The following ZZEF1 variants were observed in gnomAD, a reference collection of about 807,000 sequenced individuals.
ZZEF1 encodes zinc finger ZZ-type and EF-hand domain containing 1.
ZZEF1 carries 157 observed loss-of-function variants against 342.8 expected under a neutral mutation model. That is an observed-to-expected ratio of 0.46 (90% CI 0.40 to 0.52). The LOEUF (loss-of-function observed/expected upper bound fraction) is 0.52. Ranked by LOEUF, ZZEF1 falls within the 20% of genes least tolerant of loss-of-function variation. The pLI is 0.00. For missense variants in ZZEF1, 3,480 were observed against 3,725.6 expected, an observed-to-expected ratio of 0.93 and a Z score of 1.72; for synonymous variants, 1,505 against 1,429.1, an observed-to-expected ratio of 1.05 and a Z score of -1.20.
chr17:4,027,049 G>A (rs1244014268), intron 42 of ZZEF1, among the ~76,000 whole-genome samples: 4 of 152,100 alleles, frequency 2.6e-5, no homozygotes, highest in Non-Finnish European at 5.9e-5. Flanking sequence ...CTTTACAAAG[G>A]AATGAAGAGC....
intron 34 of ZZEF1, among the ~76,000 whole-genome samples, chr17:4,052,520 C>G (rs1317925480): frequency 6.6e-6 from 1 of 152,114 alleles, no homozygotes; most frequent in African/African-American, 2.4e-5. Flanking sequence ...TCCTTTTTCA[C>G]TCCAGAATCA....
At chr17:4,062,731 T>A in intron 30 of ZZEF1, 22 bp downstream of exon 30, 4 of 1,575,314 alleles carry the variant, frequency 2.5e-6, no homozygotes, top group Non-Finnish European at 3.5e-6. Context: ...GTTTTCCTTC[T>A]GGACCTGTCC....
chr17:4,105,030 T>A (rs2058188129), intron 7 of ZZEF1, among the ~76,000 whole-genome samples: 1 of 152,240 alleles, frequency 6.6e-6, no homozygotes, highest in African/African-American at 2.4e-5. Context: ...TAATCTTTAA[T>A]CTTTAAATAT....
At chr17:4,050,068 TAC>T (rs2057012809) in intron 36 of ZZEF1, among the ~76,000 whole-genome samples, 1 of 152,228 alleles carries the variant, frequency 6.6e-6, no homozygotes, top group African/African-American at 2.4e-5. Context: ...TAGCAAGGGA[TAC>T]CTGCACTTTA....
intron 6 of ZZEF1, among the ~76,000 whole-genome samples, chr17:4,107,166 A>C (rs752231137): frequency 5.3e-5 from 8 of 152,196 alleles, no homozygotes; most frequent in Non-Finnish European, 1.0e-4. Flanking sequence ...TTTTCAATAA[A>C]TCTTTAATTT....
chr17:4,142,716 A>G lies in ZZEF1; in HGVS notation c.180T>C (p.Ala60=), dbSNP rs757938913. The change falls in exon 1 of 55, where the codon GCT becomes GCC. Residue 60 remains alanine (A), a synonymous_variant. Transcript: ENST00000381638. The part of the protein sequence containing the change: ...LLEPARLREA[A]AALLPTPPCE... Reference sequence around the variant, plus strand: ...AGGGGGGTGTGGGCAGCAACGCTGCAGCAGCCTCTCGCAGCCTGGCCGGCT... The same window carrying G: ...AGGGGGGTGTGGGCAGCAACGCTGCGGCAGCCTCTCGCAGCCTGGCCGGCT... 3 of 1,580,792 alleles carry G rather than the reference A, an allele frequency of 1.9e-6. No individual in the cohort carries two copies. Among genetic ancestry groups the G allele is most frequent in the South Asian group, 2.3e-5 (2 of 87,902 alleles).
intron 3 of ZZEF1, 105 bp downstream of exon 3, chr17:4,116,867 T>C: frequency 8.2e-7 from 1 of 1,213,306 alleles, no homozygotes; most frequent in Non-Finnish European, 1.1e-6. Flanking sequence ...CATGACTCTG[T>C]ATTTTCAGAA....
At chr17:4,129,133 TA>T (rs1045119050) in intron 1 of ZZEF1, among the ~76,000 whole-genome samples, 4 of 152,272 alleles carry the variant, frequency 2.6e-5, no homozygotes, top group Non-Finnish European at 5.9e-5. Context: ...TTCCTCCTTT[TA>T]AAGTGTATAA....
intron 9 of ZZEF1, among the ~76,000 whole-genome samples, chr17:4,098,006 G>A (rs980985925): frequency 2.0e-5 from 3 of 151,612 alleles, no homozygotes; most frequent in Non-Finnish European, 4.4e-5. Flanking sequence ...GGGAGGCTGA[G>A]GCAGGCAGTT....
At chr17:4,026,527 T>TC (rs1474369442) in intron 42 of ZZEF1, among the ~76,000 whole-genome samples, 2 of 151,368 alleles carry the variant, frequency 1.3e-5, no homozygotes, top group African/African-American at 4.8e-5. Context: ...TTTTTTCTTT[T>TC]TTTTTTTTTT....
chr17:4,037,983 T>A (rs1456181926), intron 39 of ZZEF1, among the ~76,000 whole-genome samples: 4 of 152,226 alleles, frequency 2.6e-5, no homozygotes, highest in Admixed American at 6.5e-5. Context: ...TGTACTGATG[T>A]TAATTTCTCT....
In ZZEF1 at chr17:4,066,464, AC is replaced by A; in HGVS notation, c.4231del (p.Val1411Ter). The A allele has an allele frequency of 6.2e-7, 1 of 1,614,066 alleles. No homozygotes were observed. The highest frequency in any genetic ancestry group is 8.5e-7 in the Non-Finnish European group (1 of 1,179,980). On this transcript the variant is annotated frameshift_variant, in exon 28 of 55. Coordinates refer to ENST00000381638, the MANE Select transcript of ZZEF1 (RefSeq NM_015113.4). LOFTEE classifies it high-confidence loss of function. ...ACACTCACCCAGGCTCTCAGGGTTC[AC>A]CTCAGTAGCTTCTGAACTATGTTTT... Reference protein sequence around the residue: ...EEKHSSEATEVNPESLAKECI... With the variant: ...EEKHSSEATEXNPESLAKECI...
At chr17:4,109,569 A>C in intron 6 of ZZEF1, 84 bp downstream of exon 6, 1 of 1,442,404 alleles carries the variant, frequency 6.9e-7, no homozygotes, top group Non-Finnish European at 9.6e-7. Flanking sequence ...TCAATGATGG[A>C]AGGCTGCTCA....
chr17:4,011,357 T>C (rs1447780748), intron 52 of ZZEF1, among the ~76,000 whole-genome samples: 2 of 151,630 alleles, frequency 1.3e-5, no homozygotes, highest in African/African-American at 2.4e-5. Flanking sequence ...TGAGTTGAGA[T>C]GGTGCCACTG....
chr17:4,014,525 G>A lies in ZZEF1; in HGVS notation c.8146-10C>T, dbSNP rs376461894. On this transcript the variant is annotated splice_polypyrimidine_tract_variant and intron_variant, in intron 49 of 54. Transcript: ENST00000381638. This position sits in a 1 kb window ranked among gnomAD's most constrained non-coding sequence, Gnocchi z 4.4. ...GAATGTGAACTTTATCCTAGGGAGG[G>A]GAAATGGAGAACACATCTGTCGATG... is the stretch of plus-strand genomic sequence containing the variant. 1.9e-6 allele frequency: 3 copies of A among 1,613,966 alleles called. No homozygotes were observed. The highest frequency in any genetic ancestry group is 2.2e-5 in the East Asian group (1 of 44,876).
rs1249878959 is a variant in ZZEF1, at chr17:4,076,820, C to T, written c.3111+48G>A. ...TTAGGCTGGGCCTGGGGATGCAGAC[C>T]CCCAACCCCCTTCCGGTTCTTTACA... On this transcript the variant is annotated intron_variant, in intron 20 of 54. Transcript: ENST00000381638. 3 of 1,612,446 alleles carry T rather than the reference C, an allele frequency of 1.9e-6. No individual in the cohort carries two copies. In the South Asian group the frequency reaches 3.3e-5, roughly 18 times the overall value.
At chr17:4,101,407 A>T (rs2058124190) in intron 9 of ZZEF1, among the ~76,000 whole-genome samples, 1 of 151,856 alleles carries the variant, frequency 6.6e-6, no homozygotes. Flanking sequence ...AGCAAGATTC[A>T]AATCAGTCCA....
intron 39 of ZZEF1, among the ~76,000 whole-genome samples, chr17:4,037,500 C>T (rs1281410577): frequency 6.6e-6 from 1 of 152,170 alleles, no homozygotes; most frequent in African/African-American, 2.4e-5. Context: ...CTCATGATCA[C>T]GAAAGTAAAG....
At chr17:4,047,732 G>C (rs143566657) in intron 37 of ZZEF1, among the ~76,000 whole-genome samples, 1,668 of 151,732 alleles carry the variant, frequency 0.011, 23 homozygotes, top group African/African-American at 0.038. Flanking sequence ...CACGAGGTCA[G>C]AAGATCGAGA....
Sources: gnomAD v4.1 joint callset for allele counts (sites outside exome capture counted in the v4.1 genomes callset) on GRCh38, gnomAD v4.1.1 for gene constraint, Gnocchi (gnomAD v3.1) non-coding constraint, MANE v1.5 for transcripts, NCBI Gene and HGNC (gene_info 2026-07-23, HGNC 2026-07-21) for gene names.